ICE1: variants seen among roughly 807,000 people sequenced by gnomAD.
ICE1 encodes interactor of little elongation complex ELL subunit 1, also known as little elongation complex subunit 1.
In ICE1, 64 loss-of-function variants were observed where a neutral mutation model predicts 192.7. The observed-to-expected ratio is 0.33, with a 90% confidence interval of 0.27 to 0.41. ICE1 has a LOEUF of 0.41. Ranked by LOEUF, ICE1 falls within the 10% of genes least tolerant of loss-of-function variation. ICE1 has a pLI of 1.00. For missense variants in ICE1, 2,708 were observed against 2,696.0 expected, an observed-to-expected ratio of 1.00 and a Z score of -0.10; for synonymous variants, 1,010 against 984.5, an observed-to-expected ratio of 1.03 and a Z score of -0.49.
intron 2 of ICE1, 145 bp downstream of exon 2, chr5:5,436,621 G>A (rs953745519): frequency 8.6e-6 from 4 of 462,430 alleles, no homozygotes; most frequent in East Asian, 7.1e-5. Flanking sequence ...ATAATTCCCC[G>A]TGAGCTTTGG....
intron 12 of ICE1, among the ~76,000 whole-genome samples, chr5:5,458,737 C>T (rs1476921634): frequency 6.6e-6 from 1 of 152,010 alleles, no homozygotes; most frequent in Non-Finnish European, 1.5e-5. Context: ...TTTGATGAAT[C>T]CAAAGACATA....
At position 5,460,929 on chromosome 5, in the gene ICE1, C is replaced by G. The variant is rs373900185; in HGVS notation, c.1595C>G (p.Ser532Cys). The G allele has an allele frequency of 2.0e-5, 32 of 1,613,670 alleles. No individual in the cohort carries two copies. Among genetic ancestry groups the G allele is most frequent in the African/African-American group, 5.3e-5 (4 of 74,950 alleles). Residue 532 changes from serine to cysteine, a missense_variant, in exon 13 of 19, where the codon TCT becomes TGT. This residue lies in a region of ICE1 where 2,366 missense variants were observed against 2,276.6 expected (regional missense o/e 1.04). Transcript: ENST00000296564. ...GCCCCTGGGAAGTCTGAGTTGTGTTCTTCTCCCCTTGGCAAAAGGCCATTA... is the reference window on the plus strand; with the variant it reads ...GCCCCTGGGAAGTCTGAGTTGTGTTGTTCTCCCCTTGGCAAAAGGCCATTA... ...EAAPGKSELC[S>C]SPLGKRPLNE...
At position 5,460,592 on chromosome 5, in the gene ICE1, C is replaced by G. The variant is rs1318935134; in HGVS notation, c.1258C>G (p.Pro420Ala). 1 of 1,613,068 alleles carries G rather than the reference C, an allele frequency of 6.2e-7. No homozygotes were observed. The highest frequency in any genetic ancestry group is 8.5e-7 in the Non-Finnish European group (1 of 1,179,512). Reference protein sequence around the residue: ...NKGSGTWEEKPKSHEAIQALN... With the variant: ...NKGSGTWEEKAKSHEAIQALN... The stretch of plus-strand genomic sequence containing the variant: ...AGGAAGTGGCACATGGGAGGAAAAG[C>G]CCAAATCACATGAAGCTATCCAAGC... Residue 420 changes from proline (P) to alanine (A), a missense_variant, in exon 13 of 19, where the codon CCC becomes GCC. Physicochemically the swap from Pro to Ala is conservative, Grantham distance 27. Coordinates refer to ENST00000296564, the MANE Select transcript of ICE1 (RefSeq NM_015325.3).
At chr5:5,444,232 C>G in intron 6 of ICE1, 57 bp from the exon 7 acceptor site, 1 of 1,070,940 alleles carries the variant, frequency 9.3e-7, no homozygotes, top group South Asian at 1.4e-5. Context: ...AATTATAAGG[C>G]ATATTTTTTC....
intron 17 of ICE1, among the ~76,000 whole-genome samples, chr5:5,481,023 G>A (rs963204231): frequency 6.6e-6 from 1 of 152,124 alleles, no homozygotes; most frequent in Admixed American, 6.5e-5. Context: ...GGAGCGCTAG[G>A]GAACACAGGA....
At chr5:5,433,444 C>G in intron 1 of ICE1, among the ~76,000 whole-genome samples, 1 of 152,160 alleles carries the variant, frequency 6.6e-6, no homozygotes, top group East Asian at 1.9e-4. Context: ...CTTTTCCCCA[C>G]TGCTGGCTTT....
chr5:5,438,243 G>T (rs1346678043), intron 3 of ICE1, among the ~76,000 whole-genome samples: 1 of 152,214 alleles, frequency 6.6e-6, no homozygotes, highest in Non-Finnish European at 1.5e-5. Flanking sequence ...ACAGCACTGG[G>T]GGACTGCCCC....
chr5:5,457,855 C>A, intron 12 of ICE1, 114 bp downstream of exon 12: 1 of 1,102,280 alleles, frequency 9.1e-7, no homozygotes, highest in Non-Finnish European at 1.3e-6. Flanking sequence ...TCATTTTAGC[C>A]AATTTTGTTA....
At chr5:5,488,872 G>A (rs1349459891) in intron 18 of ICE1, among the ~76,000 whole-genome samples, 1 of 152,128 alleles carries the variant, frequency 6.6e-6, no homozygotes, top group Non-Finnish European at 1.5e-5. Flanking sequence ...TGGGTGACTG[G>A]GATCTTGGAG....
At chr5:5,458,006 C>T (rs973725976) in intron 12 of ICE1, among the ~76,000 whole-genome samples, 7 of 152,134 alleles carry the variant, frequency 4.6e-5, no homozygotes, top group South Asian at 4.1e-4. Flanking sequence ...TATAGGAAGG[C>T]TGTGTCTTAA....
At chr5:5,457,159 T>A (rs1429202317) in intron 11 of ICE1, among the ~76,000 whole-genome samples, 173 bp from the exon 12 acceptor site, 1 of 152,218 alleles carries the variant, frequency 6.6e-6, no homozygotes, top group African/African-American at 2.4e-5. Flanking sequence ...ATGAAATGTA[T>A]TGATTTTCTA....
At chr5:5,447,594 A>C (rs1738269822) in intron 8 of ICE1, 85 bp downstream of exon 8, 1 of 1,329,012 alleles carries the variant, frequency 7.5e-7, no homozygotes, top group Non-Finnish European at 1.0e-6. Context: ...CTCACGTAGG[A>C]GTCAACATGA....
chr5:5,440,562 G>A (rs1490206133), intron 4 of ICE1, among the ~76,000 whole-genome samples: 4 of 152,162 alleles, frequency 2.6e-5, no homozygotes, highest in Non-Finnish European at 4.4e-5. Flanking sequence ...AATGGCTCAT[G>A]CCCATAATCC....
At chr5:5,465,356 T>A in intron 13 of ICE1, 130 bp downstream of exon 13, 1 of 633,998 alleles carries the variant, frequency 1.6e-6, no homozygotes, top group Non-Finnish European at 2.8e-6. Context: ...GTTATCCATG[T>A]AAACATTACG....
At chr5:5,451,725 A>G (rs1579554785) in intron 10 of ICE1, among the ~76,000 whole-genome samples, 1 of 152,180 alleles carries the variant, frequency 6.6e-6, no homozygotes, top group South Asian at 2.1e-4. Flanking sequence ...GATAATTTAT[A>G]GGTGAGCTTT....
At chr5:5,454,446 G>A (rs1022768250) in intron 10 of ICE1, 106 bp from the exon 11 acceptor site, 3 of 691,390 alleles carry the variant, frequency 4.3e-6, no homozygotes, top group Admixed American at 2.3e-5. Context: ...AGATGTATAT[G>A]TAATTTTCTA....
At chr5:5,479,688 C>T (rs1739439771) in intron 17 of ICE1, among the ~76,000 whole-genome samples, 1 of 152,316 alleles carries the variant, frequency 6.6e-6, no homozygotes, top group African/African-American at 2.4e-5. Context: ...AGACTTGGAA[C>T]CAACCCAAGT....
intron 13 of ICE1, 77 bp downstream of exon 13, chr5:5,465,303 T>C: frequency 1.0e-6 from 1 of 1,004,844 alleles, no homozygotes; most frequent in Non-Finnish European, 1.4e-6. Flanking sequence ...GTCAGCAAAA[T>C]GTGTAGATGA....
intron 17 of ICE1, among the ~76,000 whole-genome samples, chr5:5,479,662 C>G (rs1219110914): frequency 6.6e-6 from 1 of 152,192 alleles, no homozygotes; most frequent in African/African-American, 2.4e-5. Flanking sequence ...TATTGCAGCA[C>G]TATTTACAAT....
Sources: gnomAD v4.1 joint callset for allele counts (sites outside exome capture counted in the v4.1 genomes callset) on GRCh38, gnomAD v4.1.1 for gene constraint, gnomAD v4.1.1 regional missense constraint, MANE v1.5 for transcripts, NCBI Gene and HGNC (gene_info 2026-07-23, HGNC 2026-07-21) for gene names.